Variants in RAPGEF4 observed in about 807,000 individuals in gnomAD.
The protein encoded by RAPGEF4 is Rap guanine nucleotide exchange factor 4.
RAPGEF4 carries 66 observed loss-of-function variants against 147.9 expected under a neutral mutation model. The observed-to-expected ratio is 0.45, with a 90% CI of 0.37 to 0.55. The LOEUF (loss-of-function observed/expected upper bound fraction) is 0.55, where lower values mean the gene tolerates loss of function less well. Among genes scored for constraint, RAPGEF4 ranks in the 20% least tolerant of loss-of-function variants. The pLI, the probability that RAPGEF4 is intolerant of heterozygous loss-of-function variation, is 0.00. For synonymous variants in RAPGEF4, 419 were observed against 442.7 expected (o/e 0.95, Z 0.67); for missense variants, 1,071 against 1,257.3 (o/e 0.85, Z 2.24).
intron 22 of RAPGEF4, among the ~76,000 whole-genome samples, chr2:173,019,902 T>C (rs530377368): frequency 4.7e-4 from 72 of 152,374 alleles, no homozygotes; most frequent in African/African-American, 1.7e-3. Context: ...TGATATTTTT[T>C]TCTCCTTGCC....
chr2:172,801,701 A>G (rs76836564), intron 3 of RAPGEF4, among the ~76,000 whole-genome samples: 2 of 152,128 alleles, frequency 1.3e-5, no homozygotes, highest in African/African-American at 2.4e-5. Context: ...CTGGGGCTCA[A>G]TGCTTGCCCA....
chr2:173,030,314 C>A, intron 26 of RAPGEF4, 60 bp downstream of exon 26: 1 of 1,310,820 alleles, frequency 7.6e-7, no homozygotes, highest in Non-Finnish European at 1.1e-6. Flanking sequence ...CACAGGCTCA[C>A]CAGTGAGCTT....
At chr2:172,856,702 C>T (rs955015761) in intron 4 of RAPGEF4, among the ~76,000 whole-genome samples, 7 of 152,162 alleles carry the variant, frequency 4.6e-5, no homozygotes. Context: ...ATGTATAGTA[C>T]TGGGATCAGT....
At chr2:172,800,344 G>A (rs767290175) in intron 3 of RAPGEF4, among the ~76,000 whole-genome samples, 1 of 152,180 alleles carries the variant, frequency 6.6e-6, no homozygotes, top group Non-Finnish European at 1.5e-5. Context: ...CCACATGGGA[G>A]AAAGAAGCTA....
intron 4 of RAPGEF4, among the ~76,000 whole-genome samples, chr2:172,905,730 A>C (rs1397940823): frequency 2.0e-5 from 3 of 152,236 alleles, no homozygotes; most frequent in Admixed American, 6.5e-5. Flanking sequence ...GCCATGAATT[A>C]AAAATGGTCA....
In RAPGEF4 at chr2:173,051,684, A is replaced by G. The variant is rs201446102; in HGVS notation, c.2953A>G (p.Ser985Gly). The change falls in exon 31 of 31, where the codon AGT becomes GGT. Residue 985 changes from serine to glycine, a missense_variant. By Grantham distance (56) the Ser-to-Gly change is moderately conservative. Transcript: ENST00000397081. ...TAATAAGAACCATCAGGATGTCCGG[A>G]GTTATGTACGGCAATTAAATGTGAT... ...QANKNHQDVR[S>G]YVRQLNVIDN... 2.0e-5 allele frequency: 33 copies of G among 1,614,010 alleles called. No homozygotes were observed. In the East Asian group the frequency reaches 6.7e-4, roughly 33 times the overall value.
At position 172,755,417 on chromosome 2, in the gene RAPGEF4, G is replaced by A. The variant is rs868038518; in HGVS notation, c.65+19369G>A. On this transcript the variant is annotated intron_variant, in intron 1 of 30. Transcript: ENST00000397081. The stretch of plus-strand genomic sequence containing the variant: ...TAAAAACGGTTTATTTATTTGAGAC[G>A]AAGTTGCACTCTTGTTGCCCAGGCT... Among the ~76,000 whole-genome samples, 14 of 152,246 alleles carry A rather than the reference G, an allele frequency of 9.2e-5. No homozygotes were observed. In the Middle Eastern group the frequency reaches 0.014, roughly 148 times the overall value.
chr2:172,904,084 G>A (rs1226193381), intron 4 of RAPGEF4, among the ~76,000 whole-genome samples: 1 of 152,208 alleles, frequency 6.6e-6, no homozygotes, highest in African/African-American at 2.4e-5. Flanking sequence ...AATGATCAGT[G>A]CATCCTAATT....
chr2:172,994,717 T>G (rs906330472), intron 15 of RAPGEF4, among the ~76,000 whole-genome samples: 6 of 152,254 alleles, frequency 3.9e-5, no homozygotes, highest in African/African-American at 1.4e-4. Flanking sequence ...TGAGCAATAT[T>G]CTCTATTTCA....
At chr2:172,967,109 A>G in intron 9 of RAPGEF4, 152 bp from the exon 10 acceptor site, 5 of 695,974 alleles carry the variant, frequency 7.2e-6, no homozygotes, top group Non-Finnish European at 1.2e-5. Flanking sequence ...TTCCAGCTGC[A>G]CAGTCTGGGC....
intron 6 of RAPGEF4, among the ~76,000 whole-genome samples, chr2:172,931,163 A>T (rs1301823973): frequency 1.7e-4 from 1 of 5,978 alleles, no homozygotes; most frequent in Non-Finnish European, 3.6e-4. Context: ...AGATCAAGCC[A>T]GGCCGGGGTG....
intron 17 of RAPGEF4, among the ~76,000 whole-genome samples, chr2:173,007,535 G>T (rs1694603304): frequency 6.6e-6 from 1 of 152,094 alleles, no homozygotes; most frequent in Admixed American, 6.5e-5. Context: ...TAATAACATT[G>T]GTGGCTAAGA....
intron 17 of RAPGEF4, among the ~76,000 whole-genome samples, chr2:173,013,017 G>A (rs1436011036): frequency 6.6e-6 from 1 of 152,186 alleles, no homozygotes; most frequent in African/African-American, 2.4e-5. Flanking sequence ...AGCTGAGAGA[G>A]GATTGTAGCA....
At chr2:172,806,668 ATGT>A (rs537291794) in intron 3 of RAPGEF4, among the ~76,000 whole-genome samples, 303 of 152,290 alleles carry the variant, frequency 2.0e-3, no homozygotes, top group Admixed American at 4.8e-3. Context: ...AAGTTTAACA[ATGT>A]TGTTCAGCCA....
chr2:172,946,789 A>G (rs1687722142), intron 6 of RAPGEF4, among the ~76,000 whole-genome samples: 1 of 152,176 alleles, frequency 6.6e-6, no homozygotes, highest in Non-Finnish European at 1.5e-5. Flanking sequence ...TGTGCCTTTC[A>G]TCATTTTGGG....
intron 8 of RAPGEF4, 50 bp downstream of exon 8, chr2:172,961,278 T>A (rs191488405): frequency 7.1e-7 from 1 of 1,408,388 alleles, no homozygotes; most frequent in East Asian, 2.3e-5. Context: ...TCATGTTTAG[T>A]GAAAATGGAA....
intron 1 of RAPGEF4, among the ~76,000 whole-genome samples, chr2:172,787,900 G>A (rs1002992149): frequency 2.6e-5 from 4 of 152,186 alleles, no homozygotes; most frequent in South Asian, 2.1e-4. Context: ...AATTACAGGT[G>A]TGAGCCACCA....
At chr2:172,964,762 A>T (rs1272450450) in intron 8 of RAPGEF4, among the ~76,000 whole-genome samples, 1 of 152,158 alleles carries the variant, frequency 6.6e-6, no homozygotes, top group African/African-American at 2.4e-5. Flanking sequence ...TTGAACCATC[A>T]TGTTGTGGAT....
At chr2:172,996,847 C>A (rs1290641513) in intron 16 of RAPGEF4, among the ~76,000 whole-genome samples, 1 of 152,166 alleles carries the variant, frequency 6.6e-6, no homozygotes, top group Non-Finnish European at 1.5e-5. Flanking sequence ...CTTCTATAGG[C>A]ATCTATTGGG....
Sources: allele counts gnomAD v4.1 joint callset (sites outside exome capture counted in the v4.1 genomes callset), GRCh38; gene constraint gnomAD v4.1.1; transcripts MANE v1.5; gene names NCBI Gene and HGNC (gene_info 2026-07-23, HGNC 2026-07-21).